LHX8: variants seen among roughly 807,000 people sequenced by gnomAD.
LHX8 encodes the protein LIM/homeobox protein Lhx8.
In LHX8, 12 loss-of-function variants were observed where a neutral mutation model predicts 40.3. The observed-to-expected ratio is 0.30, with a 90% CI of 0.19 to 0.48. The LOEUF (loss-of-function observed/expected upper bound fraction) is 0.48. LHX8 is among the 20% of genes least tolerant of loss of function. The pLI is 0.99. For synonymous variants in LHX8, 179 were observed against 162.0 expected (o/e 1.10, Z -0.80); for missense variants, 344 against 433.7 (o/e 0.79, Z 1.84).
At chr1:75,133,563 C>A (rs1033547152), upstream of LHX8, among the ~76,000 whole-genome samples, 6 of 152,106 alleles carry the variant, frequency 3.9e-5, no homozygotes, top group African/African-American at 9.7e-5. Context: ...TAAATGGAAA[C>A]AAAAATCATT....
At chr1:75,181,659 G>A in the LHX8 span, among the ~76,000 whole-genome samples, 6 of 152,192 alleles carry the variant, frequency 3.9e-5, no homozygotes, top group African/African-American at 1.4e-4. Context: ...CTTCTTGAGT[G>A]AGGCGATGCC....
chr1:75,148,731 T>C, intron 7 of LHX8, 49 bp downstream of exon 7: 1 of 1,307,372 alleles, frequency 7.6e-7, no homozygotes, highest in Non-Finnish European at 1.1e-6. Flanking sequence ...AAAATAGATA[T>C]TGGGTCTCCC....
At chr1:75,139,682 G>T (rs1200808213) in intron 3 of LHX8, among the ~76,000 whole-genome samples, 2 of 152,054 alleles carry the variant, frequency 1.3e-5, no homozygotes, top group Non-Finnish European at 1.5e-5. Flanking sequence ...TGTCTATAGT[G>T]AGCATGTAAG....
At chr1:75,146,641 C>CT (rs1162520646) in intron 6 of LHX8, among the ~76,000 whole-genome samples, 4 of 152,148 alleles carry the variant, frequency 2.6e-5, no homozygotes, top group Non-Finnish European at 5.9e-5. Context: ...GTGAAGTAGG[C>CT]TTCAGCAGCA....
intron 7 of LHX8, among the ~76,000 whole-genome samples, chr1:75,151,718 ACT>A (rs1557492496): frequency 6.6e-6 from 1 of 152,070 alleles, no homozygotes; most frequent in Non-Finnish European, 1.5e-5. Context: ...CTAATTTAAG[ACT>A]CTGTATATTC....
rs1378883813 is a variant in LHX8, at chr1:75,160,898, CT to C, written c.*9del. 3.7e-6 allele frequency: 6 copies of C among 1,600,664 alleles called. No individual in the cohort carries two copies. Among genetic ancestry groups the C allele is most frequent in the Non-Finnish European group, 5.1e-6 (6 of 1,167,988 alleles). On this transcript the variant is annotated 3_prime_UTR_variant, in exon 9 of 9. Coordinates refer to ENST00000356261, the MANE Select transcript of LHX8 (RefSeq NM_001256114.2). ...AACTGCCAATAAGTCATACCTAATT[CT>C]TTTTTCAGGGATAGACTTGATTAAG...
At chr1:75,135,089 C>A in intron 1 of LHX8, 135 bp downstream of exon 1, 1 of 202,144 alleles carries the variant, frequency 4.9e-6, no homozygotes, top group Non-Finnish European at 8.8e-6. Flanking sequence ...CACTTGCCTG[C>A]CCTGAGGCAC....
chr1:75,177,922 A>C, the LHX8 span, among the ~76,000 whole-genome samples: 2 of 152,186 alleles, frequency 1.3e-5, no homozygotes, highest in Non-Finnish European at 2.9e-5. Flanking sequence ...TTCTGCATCT[A>C]TTGAGATAAT....
chr1:75,188,089 G>C, the LHX8 span, among the ~76,000 whole-genome samples: 3 of 152,080 alleles, frequency 2.0e-5, no homozygotes, highest in African/African-American at 7.2e-5. Flanking sequence ...TATGGGAGGA[G>C]AAAAAGCATG....
chr1:75,188,203 G>A, the LHX8 span, among the ~76,000 whole-genome samples: 2 of 151,888 alleles, frequency 1.3e-5, no homozygotes, highest in South Asian at 2.1e-4. Flanking sequence ...CATGTTAAGT[G>A]GCTGTAAAAC....
At chr1:75,148,967 C>A (rs1229801457) in intron 7 of LHX8, among the ~76,000 whole-genome samples, 1 of 152,136 alleles carries the variant, frequency 6.6e-6, no homozygotes, top group Non-Finnish European at 1.5e-5. Flanking sequence ...CATTTTAAGT[C>A]TCTTCACATT....
At chr1:75,171,501 T>C in the LHX8 span, among the ~76,000 whole-genome samples, 1 of 152,024 alleles carries the variant, frequency 6.6e-6, no homozygotes, top group Non-Finnish European at 1.5e-5. Context: ...TCTTCCAAAA[T>C]GGGAAGGGCC....
chr1:75,179,479 A>G, the LHX8 span, among the ~76,000 whole-genome samples: 1 of 147,484 alleles, frequency 6.8e-6, no homozygotes. Flanking sequence ...GTTTTAAAAG[A>G]GACTAGGATT....
chr1:75,188,518 T>C, the LHX8 span, among the ~76,000 whole-genome samples: 2 of 152,188 alleles, frequency 1.3e-5, no homozygotes, highest in African/African-American at 2.4e-5. Flanking sequence ...TCTTTTCTCA[T>C]GGGCCACAGC....
At chr1:75,142,260 TAA>T (rs948020006) in intron 4 of LHX8, among the ~76,000 whole-genome samples, 8 of 152,132 alleles carry the variant, frequency 5.3e-5, no homozygotes, top group African/African-American at 1.9e-4. Context: ...TCAGAGTAAC[TAA>T]AAAAACAAAG....
At chr1:75,144,570 T>C (rs1448163580) in intron 6 of LHX8, among the ~76,000 whole-genome samples, 1 of 152,154 alleles carries the variant, frequency 6.6e-6, no homozygotes, top group Non-Finnish European at 1.5e-5. Flanking sequence ...GGATTTTTTT[T>C]AGCTTAGTTG....
the LHX8 span, among the ~76,000 whole-genome samples, chr1:75,184,928 A>C: frequency 6.6e-6 from 1 of 151,892 alleles, no homozygotes; most frequent in Non-Finnish European, 1.5e-5. Flanking sequence ...GGATGTTACC[A>C]CTGACCCCAC....
chr1:75,188,056 G>C, the LHX8 span, among the ~76,000 whole-genome samples: 2 of 152,128 alleles, frequency 1.3e-5, no homozygotes, highest in Non-Finnish European at 2.9e-5. Flanking sequence ...ACATGGAAGG[G>C]TCAGAAATCA....
chr1:75,161,956 G>C (rs1648930549), downstream of LHX8, among the ~76,000 whole-genome samples: 1 of 152,046 alleles, frequency 6.6e-6, no homozygotes, highest in African/African-American at 2.4e-5. Context: ...ATCTTATGTG[G>C]CAGTGGACTT....
Sources: allele counts gnomAD v4.1 joint callset (sites outside exome capture counted in the v4.1 genomes callset), GRCh38; gene constraint gnomAD v4.1.1; transcripts MANE v1.5; gene names NCBI Gene and HGNC (gene_info 2026-07-23, HGNC 2026-07-21).